Variants in C1QTNF2 observed in about 807,000 individuals in gnomAD.
C1QTNF2 encodes C1q and TNF related 2.
In C1QTNF2, 15 loss-of-function variants were observed where a neutral mutation model predicts 17.4. The observed-to-expected ratio is 0.86, with a 90% confidence interval of 0.58 to 1.33. C1QTNF2 has a LOEUF of 1.33. Ranked by LOEUF, C1QTNF2 falls within the 40% of genes most tolerant of loss-of-function variation. The probability of loss-of-function intolerance (pLI) is 0.00; values close to 1 mark genes in which losing one functional copy is unlikely to be tolerated. For synonymous variants in C1QTNF2, 154 were observed against 163.3 expected (o/e 0.94, Z 0.44); for missense variants, 381 against 392.3 (o/e 0.97, Z 0.24).
At chr5:160,354,599 T>TAAAAAA (rs1561822860) in intron 2 of C1QTNF2, among the ~76,000 whole-genome samples, 169 bp downstream of exon 2, 3 of 3,636 alleles carry the variant, frequency 8.3e-4, no homozygotes, top group African/African-American at 1.3e-3. Flanking sequence ...AAAAAAAAAG[T>TAAAAAA]ATATATATAT....
chr5:160,363,882 C>T (rs748964334), intron 1 of C1QTNF2, among the ~76,000 whole-genome samples: 4 of 152,182 alleles, frequency 2.6e-5, no homozygotes, highest in African/African-American at 2.4e-5. Flanking sequence ...GTAGAGAAGG[C>T]GGCTGAGGGT....
At chr5:160,365,973 AG>A (rs1282516600) in intron 1 of C1QTNF2, among the ~76,000 whole-genome samples, 1 of 152,068 alleles carries the variant, frequency 6.6e-6, no homozygotes, top group African/African-American at 2.4e-5. Flanking sequence ...TAATTTCCAT[AG>A]ATTATTGGGG....
At chr5:160,353,282 T>C (rs1232165977) in intron 2 of C1QTNF2, among the ~76,000 whole-genome samples, 3 of 152,150 alleles carry the variant, frequency 2.0e-5, no homozygotes, top group African/African-American at 7.2e-5. Context: ...AAATGTAGGC[T>C]TAGGGATGCT....
At chr5:160,367,080 T>C (rs1764261712) in intron 1 of C1QTNF2, among the ~76,000 whole-genome samples, 1 of 151,106 alleles carries the variant, frequency 6.6e-6, no homozygotes, top group African/African-American at 2.4e-5. Context: ...CTGAGGAGGA[T>C]TAAAAAGCTA....
chr5:160,362,276 A>G (rs1463271931), intron 1 of C1QTNF2, among the ~76,000 whole-genome samples: 1 of 152,198 alleles, frequency 6.6e-6, no homozygotes, highest in Admixed American at 6.5e-5. Context: ...ACGCTGATTC[A>G]TGTACTCAAT....
At chr5:160,354,054 C>T (rs1161446226) in intron 2 of C1QTNF2, among the ~76,000 whole-genome samples, 2 of 152,038 alleles carry the variant, frequency 1.3e-5, no homozygotes, top group East Asian at 1.9e-4. Context: ...ATCTGTCCAC[C>T]TCGGCCTCCC....
rs565282804 is a variant in C1QTNF2, at chr5:160,354,786, C to G, written c.226G>C (p.Gly76Arg). 6 of 1,613,718 alleles carry G rather than the reference C, an allele frequency of 3.7e-6. No individual in the cohort carries two copies. In the African/African-American group the frequency reaches 6.7e-5, roughly 18 times the overall value. The change falls in exon 2 of 3, where the codon GGG becomes CGG. Residue 76 changes from glycine to arginine, a missense_variant. Transcript: ENST00000652664. ...CTCTTACCTTCCTCTCCGCTGTCCC[C>G]CCGGTCGCCGTCGTGTCCATCTTGG... ...DGQDGHDGDR[G>R]DSGEEGPPGR...
intron 2 of C1QTNF2, among the ~76,000 whole-genome samples, chr5:160,351,719 C>T (rs1763926085): frequency 6.6e-6 from 1 of 151,856 alleles, no homozygotes; most frequent in African/African-American, 2.4e-5. Flanking sequence ...GTAAGGAGGA[C>T]TTTTGCTTTA....
At chr5:160,368,023 A>T (rs1258211691) in intron 1 of C1QTNF2, among the ~76,000 whole-genome samples, 1 of 152,180 alleles carries the variant, frequency 6.6e-6, no homozygotes, top group African/African-American at 2.4e-5. Context: ...TTCCTAGGTC[A>T]ATGTTTGGGT....
intron 2 of C1QTNF2, among the ~76,000 whole-genome samples, chr5:160,351,061 A>C (rs963246806): frequency 3.3e-5 from 5 of 152,176 alleles, no homozygotes; most frequent in Non-Finnish European, 2.9e-5. Context: ...ACAGTGCTAA[A>C]TATTTCTACA....
Position 160,349,397 on chromosome 5 carries a change from A to G in C1QTNF2, c.629T>C (p.Ile210Thr). 1 of 1,613,940 alleles carries G rather than the reference A, an allele frequency of 6.2e-7. No homozygotes were observed. The highest frequency in any genetic ancestry group is 1.1e-5 in the South Asian group (1 of 91,078). The change falls in exon 3 of 3, where the codon ATC (isoleucine) becomes ACC (threonine). Residue 210 changes from isoleucine to threonine, a missense_variant. Transcript: ENST00000652664. The surrounding 1 kb of genome is among the most constrained non-coding windows in gnomAD (Gnocchi z 4.3). ...DITLANKHLA[I>T]GLVHNGQYRI... Reference sequence around the variant, plus strand: ...GTACTGGCCGTTGTGCACCAGGCCGATGGCCAGGTGCTTGTTGGCCAGCGT... The same window carrying G: ...GTACTGGCCGTTGTGCACCAGGCCGGTGGCCAGGTGCTTGTTGGCCAGCGT...
chr5:160,348,508 T>A lies in C1QTNF2; in HGVS notation c.*660A>T, dbSNP rs888198253. ...TGGAGACCTCTTTTCGAGGCCTTTG[T>A]GTTGCTCTATTTCCTTCTTTGGAAC... On this transcript the variant is annotated 3_prime_UTR_variant, in exon 3 of 3. Coordinates refer to ENST00000652664, the MANE Select transcript of C1QTNF2 (RefSeq NM_031908.6). 4 of 152,294 alleles carry A rather than the reference T, an allele frequency of 2.6e-5. No individual in the cohort carries two copies. The highest frequency in any genetic ancestry group is 9.6e-5 in the African/African-American group (4 of 41,474). The allele number at this position is 152,294 out of a possible 1,614,324, so 9.4% of individuals were successfully genotyped here.
intron 1 of C1QTNF2, 173 bp from the exon 2 acceptor site, chr5:160,355,193 C>T: frequency 2.0e-6 from 2 of 983,240 alleles, no homozygotes; most frequent in South Asian, 9.4e-5. Flanking sequence ...GTCGTCATAT[C>T]TTGAGGACAT....
At chr5:160,360,309 T>G (rs1190610142) in intron 1 of C1QTNF2, among the ~76,000 whole-genome samples, 4 of 152,178 alleles carry the variant, frequency 2.6e-5, no homozygotes, top group Non-Finnish European at 5.9e-5. Context: ...TCAAGAAATA[T>G]TTGCTTAATT....
intron 1 of C1QTNF2, among the ~76,000 whole-genome samples, chr5:160,362,077 C>T (rs115120290): frequency 8.5e-4 from 130 of 152,216 alleles, no homozygotes; most frequent in African/African-American, 2.9e-3. Context: ...ATGAACTGGC[C>T]GCCCTTACGG....
Position 160,349,200 on chromosome 5 carries a change from A to G in C1QTNF2, c.826T>C (p.Tyr276His). The part of the protein sequence containing the change: ...TDSLFTGFLI[Y>H]ADQDDPNEV The stretch of plus-strand genomic sequence containing the variant: ...TCGTTGGGGTCATCCTGGTCGGCAT[A>G]GATTAGGAAGCCCGTAAAGAGGCTG... Residue 276 changes from tyrosine (Y) to histidine (H), a missense_variant, in exon 3 of 3, where the codon TAT becomes CAT. Coordinates refer to ENST00000652664, the MANE Select transcript of C1QTNF2 (RefSeq NM_031908.6). The surrounding 1 kb of genome is among the most constrained non-coding windows in gnomAD (Gnocchi z 4.3). The G allele has an allele frequency of 6.2e-7, 1 of 1,613,802 alleles. No individual in the cohort carries two copies. Among genetic ancestry groups the G allele is most frequent in the South Asian group, 1.1e-5 (1 of 91,060 alleles).
At chr5:160,355,062 C>T (rs1432299280) in intron 1 of C1QTNF2, 42 bp from the exon 2 acceptor site, 9 of 1,491,302 alleles carry the variant, frequency 6.0e-6, no homozygotes, top group East Asian at 4.7e-5. Context: ...GTGTGGCCAC[C>T]AAGCTGACCT....
chr5:160,370,454 C>T, intron 1 of C1QTNF2, 58 bp downstream of exon 1: 1 of 1,378,380 alleles, frequency 7.3e-7, no homozygotes, highest in South Asian at 1.7e-5. Flanking sequence ...GAGTCCTCCT[C>T]CTCCTCCTCC....
At chr5:160,367,021 CA>C (rs71285021) in intron 1 of C1QTNF2, among the ~76,000 whole-genome samples, 7,792 of 87,310 alleles carry the variant, frequency 0.089, 308 homozygotes, top group East Asian at 0.23. Context: ...AAGACATTGT[CA>C]AAAAAAAAAA....
Sources: gnomAD v4.1 joint callset for allele counts (sites outside exome capture counted in the v4.1 genomes callset) on GRCh38, gnomAD v4.1.1 for gene constraint, Gnocchi (gnomAD v3.1) non-coding constraint, MANE v1.5 for transcripts, NCBI Gene and HGNC (gene_info 2026-07-23, HGNC 2026-07-21) for gene names.